Variants in CACNA2D4 observed in about 807,000 individuals in gnomAD.
The protein encoded by CACNA2D4 is voltage-dependent calcium channel subunit alpha-2/delta-4.
A neutral mutation model predicts 163.8 loss-of-function variants in CACNA2D4; 157 were observed. The observed-to-expected ratio is 0.96, with a 90% confidence interval of 0.84 to 1.09. The LOEUF is 1.09. Ranked by LOEUF, CACNA2D4 falls within the 50% of genes least tolerant of loss-of-function variation. The probability of loss-of-function intolerance (pLI) is 0.00; values close to 1 mark genes in which losing one functional copy is unlikely to be tolerated. For missense variants in CACNA2D4, 1,410 were observed against 1,479.9 expected, an observed-to-expected ratio of 0.95 and a Z score of 0.78; for synonymous variants, 598 against 586.9, an observed-to-expected ratio of 1.02 and a Z score of -0.27.
intron 6 of CACNA2D4, among the ~76,000 whole-genome samples, chr12:1,889,273 C>A (rs1431671153): frequency 6.6e-6 from 1 of 152,224 alleles, no homozygotes; most frequent in African/African-American, 2.4e-5. Context: ...AAAACATCCT[C>A]ACATGCATGA....
chr12:1,898,090 T>C (rs1057468737), intron 6 of CACNA2D4, among the ~76,000 whole-genome samples: 1 of 152,178 alleles, frequency 6.6e-6, no homozygotes, highest in Admixed American at 6.5e-5. Context: ...CCCATATTTG[T>C]AAATTTAAAA....
intron 18 of CACNA2D4, among the ~76,000 whole-genome samples, chr12:1,870,563 T>C (rs1865748222): frequency 6.6e-6 from 1 of 152,038 alleles, no homozygotes; most frequent in Non-Finnish European, 1.5e-5. Flanking sequence ...AATGCAGTTC[T>C]CTTGATTCAA....
At position 1,866,530 on chromosome 12, in the gene CACNA2D4, T is replaced by C. The variant is rs183094373; in HGVS notation, c.1879-6324A>G. 8.7e-4 allele frequency among the ~76,000 whole-genome samples: 133 copies of C among 152,350 alleles called. 1 individual carries two copies. Among genetic ancestry groups the C allele is most frequent in the African/African-American group, 3.1e-3 (129 of 41,584 alleles). ...CCTGTAGACCTGCAGTTGATGTCAC[T>C]TTATTTCAGCCTAAAGAATTTTCTG... On this transcript the variant is annotated intron_variant, in intron 18 of 37. Coordinates refer to ENST00000382722, the MANE Select transcript of CACNA2D4 (RefSeq NM_172364.5).
In CACNA2D4 at chr12:1,878,424, G is replaced by A. The variant is rs767518726; in HGVS notation, c.1645-35C>T. 1.2e-5 allele frequency: 19 copies of A among 1,569,064 alleles called. No individual in the cohort carries two copies. In the South Asian group the frequency reaches 2.1e-4, roughly 17 times the overall value. ...TCCAGGGTGGAGGCGCATTAGGCCTGCTGTTTGTGCTGGGCATCTGGAGTT... is the reference window on the plus strand; with the variant it reads ...TCCAGGGTGGAGGCGCATTAGGCCTACTGTTTGTGCTGGGCATCTGGAGTT... On this transcript the variant is annotated intron_variant, in intron 15 of 37. Transcript: ENST00000382722. The surrounding 1 kb of genome is among the most constrained non-coding windows in gnomAD (Gnocchi z 4.6).
intron 27 of CACNA2D4, 124 bp downstream of exon 27, chr12:1,811,538 G>A (rs1049737833): frequency 1.3e-5 from 13 of 968,458 alleles, no homozygotes; most frequent in Non-Finnish European, 1.9e-5. Context: ...GAGAAGTGTA[G>A]GGGCCGGGAG....
rs981991090 is a variant in CACNA2D4 at position 1,878,470 on chromosome 12, C to T, written c.1645-81G>A. 2 of 1,550,906 alleles carry T rather than the reference C, an allele frequency of 1.3e-6. No homozygotes were observed. Among genetic ancestry groups the T allele is most frequent in the African/African-American group, 1.4e-5 (1 of 73,212 alleles). On this transcript the variant is annotated intron_variant, in intron 15 of 37. Transcript: ENST00000382722. The surrounding 1 kb of genome is among the most constrained non-coding windows in gnomAD (Gnocchi z 4.6). The stretch of plus-strand genomic sequence containing the variant: ...GAGTTGGGCAGGGGTTTGGGGGCCA[C>T]AGGACGGTCAAAGATGGCAGCTCAC...
At chr12:1,899,487 TA>T (rs1267555712) in intron 6 of CACNA2D4, among the ~76,000 whole-genome samples, 1 of 152,080 alleles carries the variant, frequency 6.6e-6, no homozygotes, top group Non-Finnish European at 1.5e-5. Context: ...AGCAGAGATT[TA>T]AAAGATGATA....
At chr12:1,818,350 A>T (rs1047202539) in intron 26 of CACNA2D4, among the ~76,000 whole-genome samples, 8 of 151,888 alleles carry the variant, frequency 5.3e-5, no homozygotes, top group Non-Finnish European at 8.8e-5. Flanking sequence ...TGGGGAAAAG[A>T]TTGAGAAATC....
In CACNA2D4 at chr12:1,795,753, G is replaced by C. The variant is rs1863102949; in HGVS notation, c.3141C>G (p.Asn1047Lys). Reference protein sequence around the residue: ...QKVFVVQQIPNSNLLLLVTDP... With the variant: ...QKVFVVQQIPKSNLLLLVTDP... ...CTGTCACCAGGAGGAGGAGGTTACT[G>C]TTGGGAATCTGCTGCACCACAAATA... Residue 1047 changes from asparagine to lysine, a missense_variant, in exon 36 of 38, where the codon AAC (asparagine) becomes AAG (lysine). Coordinates refer to ENST00000382722, the MANE Select transcript of CACNA2D4 (RefSeq NM_172364.5). 1.9e-6 allele frequency: 3 copies of C among 1,612,668 alleles called. No individual in the cohort carries two copies. The highest frequency in any genetic ancestry group is 1.7e-5 in the Admixed American group (1 of 59,994).
At chr12:1,848,275 T>A (rs531505677) in intron 23 of CACNA2D4, among the ~76,000 whole-genome samples, 53 of 152,330 alleles carry the variant, frequency 3.5e-4, no homozygotes, top group Middle Eastern at 6.8e-3. Context: ...GCAATCGATG[T>A]GTGGAACAAA....
chr12:1,848,401 CG>C (rs766188344), intron 23 of CACNA2D4, among the ~76,000 whole-genome samples: 1 of 152,186 alleles, frequency 6.6e-6, no homozygotes, highest in Non-Finnish European at 1.5e-5. Flanking sequence ...GTCAACTGGC[CG>C]TGAGACCTCA....
chr12:1,809,240 C>T (rs1863634151), intron 29 of CACNA2D4: 1 of 470,546 alleles, frequency 2.1e-6, no homozygotes, highest in Non-Finnish European at 3.8e-6. Context: ...CAGGCCAGAC[C>T]ACAGCCCTAC....
intron 18 of CACNA2D4, among the ~76,000 whole-genome samples, chr12:1,871,424 CTGGTGTG>C (rs977988351): frequency 6.9e-5 from 9 of 130,694 alleles, no homozygotes; most frequent in African/African-American, 2.7e-4. Flanking sequence ...ATGTGTGCCA[CTGGTGTG>C]TGTACACCTG....
Position 1,834,263 on chromosome 12 carries a change from G to T in CACNA2D4, c.2551+6476C>A, listed in dbSNP as rs755158078. ...CAGCCCCTCTTTTTCTCTTCTGCATGTAGGGGGACGCTTGGACCAGCTTGC... is the reference window on the plus strand; with the variant it reads ...CAGCCCCTCTTTTTCTCTTCTGCATTTAGGGGGACGCTTGGACCAGCTTGC... On this transcript the variant is annotated intron_variant, in intron 26 of 37. Coordinates refer to ENST00000382722, the MANE Select transcript of CACNA2D4 (RefSeq NM_172364.5). The surrounding 1 kb of genome is among the most constrained non-coding windows in gnomAD (Gnocchi z 7.6). The T allele has an allele frequency of 3.2e-6, 5 of 1,557,874 alleles. No individual in the cohort carries two copies. Among genetic ancestry groups the T allele is most frequent in the Non-Finnish European group, 4.3e-6 (5 of 1,149,580 alleles).
intron 26 of CACNA2D4, among the ~76,000 whole-genome samples, chr12:1,814,011 T>C (rs1863799677): frequency 6.6e-6 from 1 of 152,120 alleles, no homozygotes; most frequent in Non-Finnish European, 1.5e-5. Context: ...CTTTCACCTG[T>C]AGGAAAAGGC....
Position 1,913,086 on chromosome 12 carries a change from C to T in CACNA2D4, c.363G>A (p.Glu121=). The T allele has an allele frequency of 6.2e-7, 1 of 1,613,954 alleles. No individual in the cohort carries two copies. The highest frequency in any genetic ancestry group is 8.5e-7 in the Non-Finnish European group (1 of 1,179,854). The change falls in exon 3 of 38, where the codon GAG becomes GAA. Residue 121 remains glutamate, a synonymous_variant. Transcript: ENST00000382722. ...TGTCCTCTGAGAACTTCCTCACCAG[C>T]TCCAAGCCATCCACCTCCTCGATCT... is the stretch of plus-strand genomic sequence containing the variant. ...SLKIEEVDGL[E]LVRKFSEDME... is the part of the protein sequence containing the mutation.
intron 20 of CACNA2D4, among the ~76,000 whole-genome samples, chr12:1,857,942 G>A (rs1364687127): frequency 1.3e-5 from 2 of 152,190 alleles, no homozygotes; most frequent in East Asian, 1.9e-4. Flanking sequence ...ACAGTGAGAG[G>A]CAGCTGAGGG....
intron 18 of CACNA2D4, among the ~76,000 whole-genome samples, chr12:1,871,504 TTGC>T (rs1314992529): frequency 1.3e-5 from 2 of 150,782 alleles, no homozygotes; most frequent in African/African-American, 4.9e-5. Context: ...CATGTGTGTG[TTGC>T]TGGTGTGTGT....
chr12:1,831,289 T>G, intron 26 of CACNA2D4: 1 of 1,613,752 alleles, frequency 6.2e-7, no homozygotes, highest in Non-Finnish European at 8.5e-7. Context: ...CACTCGCCGC[T>G]GCTCCGCCAC....
Sources: gnomAD v4.1 joint callset for allele counts (sites outside exome capture counted in the v4.1 genomes callset) on GRCh38, gnomAD v4.1.1 for gene constraint, Gnocchi (gnomAD v3.1) non-coding constraint, MANE v1.5 for transcripts, NCBI Gene and HGNC (gene_info 2026-07-23, HGNC 2026-07-21) for gene names.